CFAP161: variants seen among roughly 807,000 people sequenced by gnomAD.
CFAP161 encodes the protein cilia and flagella associated protein 161, also known as cilia- and flagella-associated protein 161.
Under a neutral mutation model 29.0 loss-of-function variants are expected in CFAP161, and 25 were observed. That is an observed-to-expected ratio of 0.86 (90% CI 0.63 to 1.20). The LOEUF is 1.20. CFAP161 is among the 50% of genes most tolerant of loss of function. The pLI is 0.00. For missense variants in CFAP161, 367 were observed against 371.9 expected, an observed-to-expected ratio of 0.99 and a Z score of 0.11; for synonymous variants, 116 against 137.4, an observed-to-expected ratio of 0.84 and a Z score of 1.09.
In CFAP161 at chr15:81,149,163, G is replaced by A. The variant is rs968815511; in HGVS notation, c.*630G>A. On this transcript the variant is annotated 3_prime_UTR_variant, in exon 7 of 7. Transcript: ENST00000286732. ...TTAGATAGTTCCTGACAAAATAAATGTATGTCCTTCCATGTATTTGTTCAT... is the reference window on the plus strand; with the variant it reads ...TTAGATAGTTCCTGACAAAATAAATATATGTCCTTCCATGTATTTGTTCAT... 2 of 152,236 alleles carry A rather than the reference G, an allele frequency of 1.3e-5. No homozygotes were observed. The highest frequency in any genetic ancestry group is 2.4e-5 in the African/African-American group (1 of 41,462). The allele number at this position is 152,236 out of a possible 1,614,324, so 9.4% of individuals were successfully genotyped here.
At chr15:81,142,356 C>T (rs1894925698) in intron 4 of CFAP161, among the ~76,000 whole-genome samples, 1 of 151,858 alleles carries the variant, frequency 6.6e-6, no homozygotes, top group Non-Finnish European at 1.5e-5. Context: ...GGTCTGGTCA[C>T]CCCCATCCTC....
chr15:81,143,782 C>A lies in CFAP161; in HGVS notation c.598C>A (p.Pro200Thr), dbSNP rs954083371. ...CTGCTGGCAGGCTGCCTTCCCTGAC[C>A]CCCAGTTACGCCTGGAATATGAAGG... is the stretch of plus-strand genomic sequence containing the variant. Reference protein sequence around the residue: ...VNCWQAAFPDPQLRLEYEGFP... With the variant: ...VNCWQAAFPDTQLRLEYEGFP... The change falls in exon 5 of 7, where the codon CCC (proline) becomes ACC (threonine). Residue 200 changes from proline to threonine, a missense_variant. Physicochemically the swap from Pro to Thr is conservative, Grantham distance 38. Transcript: ENST00000286732. The A allele has an allele frequency of 6.2e-7, 1 of 1,613,994 alleles. No individual in the cohort carries two copies. Among genetic ancestry groups the A allele is most frequent in the Admixed American group, 1.7e-5 (1 of 59,996 alleles).
intron 1 of CFAP161, among the ~76,000 whole-genome samples, chr15:81,117,240 CTATA>C (rs922208510): frequency 6.6e-6 from 1 of 151,712 alleles, no homozygotes; most frequent in Admixed American, 6.6e-5. Flanking sequence ...ATAATATACA[CTATA>C]TATATTCAGT....
intron 1 of CFAP161, among the ~76,000 whole-genome samples, chr15:81,117,060 G>C (rs1894507555): frequency 6.6e-6 from 1 of 152,082 alleles, no homozygotes; most frequent in Admixed American, 6.6e-5. Flanking sequence ...ACAGTTTTAA[G>C]GTTCTTGGAC....
At chr15:81,140,207 A>G (rs1398478585) in intron 4 of CFAP161, among the ~76,000 whole-genome samples, 1 of 152,168 alleles carries the variant, frequency 6.6e-6, no homozygotes, top group Non-Finnish European at 1.5e-5. Flanking sequence ...TTGTTCTAAT[A>G]TTATATTTTT....
chr15:81,118,365 A>C, intron 1 of CFAP161: 1 of 282,474 alleles, frequency 3.5e-6, no homozygotes. Flanking sequence ...CTTACATCTC[A>C]GCTGAAAAAC....
chr15:81,147,824 G>A, intron 5 of CFAP161, 34 bp from the exon 6 acceptor site: 1 of 1,467,746 alleles, frequency 6.8e-7, no homozygotes, highest in Non-Finnish European at 9.2e-7. Flanking sequence ...AAAATGTTTA[G>A]AATGCTAATA....
At chr15:81,134,527 TC>T in intron 1 of CFAP161, 129 bp downstream of exon 1, 1 of 903,906 alleles carries the variant, frequency 1.1e-6, no homozygotes, top group South Asian at 1.7e-5. Context: ...ACCTCTAAAA[TC>T]CCCCACTTCT....
chr15:81,119,698 G>A (rs1167875441), intron 1 of CFAP161, among the ~76,000 whole-genome samples: 2 of 152,014 alleles, frequency 1.3e-5, no homozygotes, highest in Non-Finnish European at 2.9e-5. Context: ...AGGTCAAAAA[G>A]AGATAATTTA....
At chr15:81,110,329 C>T (rs552757855) in intron 1 of CFAP161, among the ~76,000 whole-genome samples, 30 of 152,170 alleles carry the variant, frequency 2.0e-4, no homozygotes, top group South Asian at 6.2e-4. Flanking sequence ...CCTCCTATAA[C>T]GAAAATATCA....
chr15:81,136,479 G>A (rs1567157762), intron 2 of CFAP161, 37 bp from the exon 3 acceptor site: 1 of 1,579,868 alleles, frequency 6.3e-7, no homozygotes, highest in Non-Finnish European at 8.7e-7. Flanking sequence ...TTGAGGAATT[G>A]CATGGTTTAT....
At chr15:81,133,220 TA>T (rs1176541973), upstream of CFAP161, among the ~76,000 whole-genome samples, 215 of 30,334 alleles carry the variant, frequency 7.1e-3, 12 homozygotes, top group Non-Finnish European at 9.4e-3. Context: ...TATATATATA[TA>T]TATGTATTTT....
chr15:81,134,675 C>T (rs1894777683), intron 1 of CFAP161, among the ~76,000 whole-genome samples: 1 of 152,154 alleles, frequency 6.6e-6, no homozygotes, highest in Non-Finnish European at 1.5e-5. Flanking sequence ...AGCCCCTGGC[C>T]TGTGTCTCCC....
At chr15:81,136,846 G>A in intron 3 of CFAP161, 98 bp downstream of exon 3, 1 of 975,558 alleles carries the variant, frequency 1.0e-6, no homozygotes, top group Non-Finnish European at 1.5e-6. Flanking sequence ...TGGAGGGAAA[G>A]GTTTTGTGAA....
At chr15:81,133,237 A>T (rs1357834567), upstream of CFAP161, among the ~76,000 whole-genome samples, 32 of 107,688 alleles carry the variant, frequency 3.0e-4, no homozygotes, top group East Asian at 2.6e-3. Context: ...ATTTTTTTTT[A>T]AATTGGAGAT....
At chr15:81,104,816 A>G (rs991223721) in intron 1 of CFAP161, among the ~76,000 whole-genome samples, 10 of 152,178 alleles carry the variant, frequency 6.6e-5, no homozygotes, top group Non-Finnish European at 1.2e-4. Context: ...CACCTACTGT[A>G]TATGATATTC....
In CFAP161 at chr15:81,138,119, G is replaced by T. The variant is rs1567158502; in HGVS notation, c.461G>T (p.Gly154Val). Residue 154 changes from glycine to valine, a missense_variant, in exon 4 of 7, where the codon GGA (glycine) becomes GTA (valine). Transcript: ENST00000286732. ...GACTTTTGCCTGGGGATAACAGGAG[G>T]ATTTGACAACAAAATGGTGAGTTAT... Reference protein sequence around the residue: ...GQDFCLGITGGFDNKMLYLSS... With the variant: ...GQDFCLGITGVFDNKMLYLSS... 6.2e-7 allele frequency: 1 copy of T among 1,611,784 alleles called. No homozygotes were observed. Among genetic ancestry groups the T allele is most frequent in the East Asian group, 2.2e-5 (1 of 44,872 alleles).
At chr15:81,112,430 C>T (rs1894450015) in intron 1 of CFAP161, among the ~76,000 whole-genome samples, 1 of 152,090 alleles carries the variant, frequency 6.6e-6, no homozygotes, top group Non-Finnish European at 1.5e-5. Flanking sequence ...TTCCCAAGAG[C>T]TTCATCAAAT....
rs536363296 is a variant in CFAP161, at chr15:81,118,642, G to A, written c.-141-8948G>A. 2.6e-5 allele frequency among the ~76,000 whole-genome samples: 4 copies of A among 152,368 alleles called. No homozygotes were observed. In the East Asian group the frequency reaches 5.8e-4, roughly 22 times the overall value. On this transcript the variant is annotated intron_variant, in intron 1 of 4. Coordinates refer to the CFAP161 transcript ENST00000560091. The stretch of plus-strand genomic sequence containing the variant: ...ACCAAAGGGGCGATTCCTCCAGGCC[G>A]GACCAGCGCACACGCAGCCGCGCCC...
Sources: allele counts gnomAD v4.1 joint callset (sites outside exome capture counted in the v4.1 genomes callset), GRCh38; gene constraint gnomAD v4.1.1; transcripts MANE v1.5; gene names NCBI Gene and HGNC (gene_info 2026-07-23, HGNC 2026-07-21).